Variants in CBFB observed in about 807,000 individuals in gnomAD.
CBFB encodes CBF-beta.
CBFB carries 9 observed loss-of-function variants against 30.4 expected under a neutral mutation model. The observed-to-expected ratio is 0.30, with a 90% CI of 0.18 to 0.52. The LOEUF (loss-of-function observed/expected upper bound fraction) is 0.52. Ranked by LOEUF, CBFB falls within the 20% of genes least tolerant of loss-of-function variation. The pLI is 0.97. For missense variants in CBFB, 170 were observed against 244.0 expected, an observed-to-expected ratio of 0.70 and a Z score of 2.02; for synonymous variants, 94 against 84.0, an observed-to-expected ratio of 1.12 and a Z score of -0.65.
intron 3 of CBFB, among the ~76,000 whole-genome samples, chr16:67,049,674 A>C (rs1437532551): frequency 6.6e-6 from 1 of 151,572 alleles, no homozygotes; most frequent in Non-Finnish European, 1.5e-5. Flanking sequence ...TTTTGTAGAG[A>C]TGGGGTCTCA....
chr16:67,035,428 G>A (rs944961452), intron 2 of CBFB, among the ~76,000 whole-genome samples: 21 of 152,256 alleles, frequency 1.4e-4, no homozygotes, highest in African/African-American at 4.8e-4. Context: ...TGTTAGTTCA[G>A]TTTCTATGGA....
intron 4 of CBFB, among the ~76,000 whole-genome samples, chr16:67,075,197 A>AAATGTGTGTGTGTG (rs1555538290): frequency 7.0e-6 from 1 of 142,662 alleles, no homozygotes; most frequent in Admixed American, 7.2e-5. Context: ...CTCAAAAAAA[A>AAATGTGTGTGTGTG]TGTGTGTGTG....
chr16:67,050,209 TATA>T, intron 3 of CBFB, among the ~76,000 whole-genome samples: 1 of 147,910 alleles, frequency 6.8e-6, no homozygotes, highest in Non-Finnish European at 1.5e-5. Context: ...ATGTTATATA[TATA>T]ATTTATATAT....
chr16:67,068,775 C>T (rs1159931727), intron 4 of CBFB, among the ~76,000 whole-genome samples: 1 of 152,136 alleles, frequency 6.6e-6, no homozygotes, highest in Non-Finnish European at 1.5e-5. Flanking sequence ...GTGAGAAAGA[C>T]TTCAAAGTAG....
At position 67,029,747 on chromosome 16, in the gene CBFB, G is replaced by A. The variant is rs751494675; in HGVS notation, c.99G>A (p.Arg33=). 3.8e-6 allele frequency: 6 copies of A among 1,596,348 alleles called. No homozygotes were observed. The African/African-American group carries it at 5.5e-5, about 15-fold the overall frequency. Residue 33 remains arginine (R), a synonymous_variant, in exon 2 of 6, where the codon AGG becomes AGA. Transcript: ENST00000412916. ...RECEIKYTGF[R]DRPHEERQAR... ...TGCAGATTAAGTACACGGGCTTCAGGGACCGGCCCCACGAGGAACGCCAGG... is the reference window on the plus strand; with the variant it reads ...TGCAGATTAAGTACACGGGCTTCAGAGACCGGCCCCACGAGGAACGCCAGG...
chr16:67,077,312 T>G (rs1422756310), intron 4 of CBFB, among the ~76,000 whole-genome samples: 2 of 152,230 alleles, frequency 1.3e-5, no homozygotes, highest in Non-Finnish European at 2.9e-5. Context: ...ATTTTCTGTT[T>G]GAAGTACTTG....
rs543799474 is a variant in CBFB, at chr16:67,046,890, T to G, written c.282+10135T>G. Among the ~76,000 whole-genome samples, 9 of 152,290 alleles carry G rather than the reference T, an allele frequency of 5.9e-5. No individual in the cohort carries two copies. The South Asian group carries it at 1.9e-3, about 32-fold the overall frequency. On this transcript the variant is annotated intron_variant, in intron 3 of 5. Transcript: ENST00000412916. The stretch of plus-strand genomic sequence containing the variant: ...AAGTATAATAGTGATATGGTAGACT[T>G]TAATTATTGTTCCTTTTTTTATGAA...
chr16:67,069,657 A>G (rs868563217), intron 4 of CBFB, among the ~76,000 whole-genome samples: 1 of 152,222 alleles, frequency 6.6e-6, no homozygotes, highest in Non-Finnish European at 1.5e-5. Flanking sequence ...GGATAAACAC[A>G]AAGAAATCCA....
chr16:67,096,319 A>C (rs1414060017), intron 5 of CBFB, among the ~76,000 whole-genome samples: 3 of 152,046 alleles, frequency 2.0e-5, no homozygotes, highest in Non-Finnish European at 4.4e-5. Context: ...TCAAAAAAAA[A>C]AAATAATAAT....
At chr16:67,034,001 TG>T (rs1410573250) in intron 2 of CBFB, among the ~76,000 whole-genome samples, 2 of 151,958 alleles carry the variant, frequency 1.3e-5, no homozygotes, top group African/African-American at 4.8e-5. Flanking sequence ...GCTAATTTTT[TG>T]TATTTTTAGT....
chr16:67,048,142 T>G (rs998204844), intron 3 of CBFB, among the ~76,000 whole-genome samples: 1 of 152,018 alleles, frequency 6.6e-6, no homozygotes, highest in Admixed American at 6.6e-5. Context: ...TGAGAGAGGC[T>G]GGGGTGGGAG....
chr16:67,057,189 G>A (rs1426737317), intron 3 of CBFB, among the ~76,000 whole-genome samples: 1 of 151,574 alleles, frequency 6.6e-6, no homozygotes, highest in Non-Finnish European at 1.5e-5. Context: ...CACCATGTTG[G>A]CCAGGCTGGT....
intron 5 of CBFB, among the ~76,000 whole-genome samples, chr16:67,082,792 C>T (rs759443730): frequency 3.3e-5 from 5 of 151,988 alleles, no homozygotes; most frequent in Non-Finnish European, 5.9e-5. Context: ...ATTCAAAGAA[C>T]GGAATTAAAC....
At chr16:67,093,028 G>T (rs189701085) in intron 5 of CBFB, among the ~76,000 whole-genome samples, 189 of 152,186 alleles carry the variant, frequency 1.2e-3, no homozygotes, top group Non-Finnish European at 1.8e-3. Context: ...GCCCACTGCA[G>T]CCTTAATATC....
intron 3 of CBFB, among the ~76,000 whole-genome samples, chr16:67,042,426 G>T (rs1294222350): frequency 1.3e-5 from 2 of 152,218 alleles, no homozygotes; most frequent in Non-Finnish European, 2.9e-5. Flanking sequence ...TGGAATTACA[G>T]GCATGGGACA....
intron 3 of CBFB, among the ~76,000 whole-genome samples, chr16:67,040,245 G>A (rs1966507076): frequency 6.6e-6 from 1 of 152,174 alleles, no homozygotes; most frequent in African/African-American, 2.4e-5. Context: ...TTCTCCAAAT[G>A]TTAATTATTT....
chr16:67,029,567 C>T (rs1966294533), intron 1 of CBFB, 82 bp downstream of exon 1: 6 of 1,407,464 alleles, frequency 4.3e-6, no homozygotes, highest in African/African-American at 1.5e-5. Context: ...GCGGCACGGT[C>T]CCCGGGAGTC....
At chr16:67,064,718 T>C (rs1181335022) in intron 3 of CBFB, among the ~76,000 whole-genome samples, 2 of 152,206 alleles carry the variant, frequency 1.3e-5, no homozygotes, top group Non-Finnish European at 2.9e-5. Flanking sequence ...AATTTGGTGA[T>C]CAAAAATGAT....
intron 4 of CBFB, among the ~76,000 whole-genome samples, chr16:67,071,981 T>C (rs920194659): frequency 1.3e-5 from 2 of 152,172 alleles, no homozygotes; most frequent in Non-Finnish European, 2.9e-5. Context: ...CCAACACAGC[T>C]TTGTTTCTCT....
Sources: allele counts gnomAD v4.1 joint callset (sites outside exome capture counted in the v4.1 genomes callset), GRCh38; gene constraint gnomAD v4.1.1; transcripts MANE v1.5; gene names NCBI Gene and HGNC (gene_info 2026-07-23, HGNC 2026-07-21).